QNG1: variants seen among roughly 807,000 people sequenced by gnomAD.
The protein encoded by QNG1 is queuosine 5'-phosphate N-glycosylase/hydrolase.
chr9:83,943,604 T>C, the QNG1 span, among the ~76,000 whole-genome samples: 2 of 152,190 alleles, frequency 1.3e-5, no homozygotes, highest in East Asian at 1.9e-4. Context: ...CATGGCAGCA[T>C]AAAAACCCAG....
the QNG1 span, among the ~76,000 whole-genome samples, chr9:83,951,091 G>A: frequency 1.3e-5 from 2 of 151,980 alleles, no homozygotes; most frequent in Admixed American, 6.6e-5. Flanking sequence ...GGTCAACATG[G>A]TGAAACCCTG....
the QNG1 span, among the ~76,000 whole-genome samples, chr9:83,945,928 G>C: frequency 1.3e-5 from 2 of 152,140 alleles, no homozygotes; most frequent in African/African-American, 4.8e-5. Flanking sequence ...TAAATGTGTA[G>C]ATAGCATTCC....
chr9:83,955,529 C>T, the QNG1 span: 8 of 1,614,038 alleles, frequency 5.0e-6, no homozygotes, highest in African/African-American at 6.7e-5. Context: ...ATTGAGAATC[C>T]GATGCCTCTC....
At chr9:83,945,766 A>T in the QNG1 span, among the ~76,000 whole-genome samples, 1 of 151,452 alleles carries the variant, frequency 6.6e-6, no homozygotes, top group Admixed American at 6.6e-5. Context: ...ACGCCCGGCT[A>T]ATTTTTTGAA....
chr9:83,946,755 A>C, the QNG1 span, among the ~76,000 whole-genome samples: 3 of 152,072 alleles, frequency 2.0e-5, no homozygotes, highest in Non-Finnish European at 2.9e-5. Flanking sequence ...TACAACCACC[A>C]CACCTGGCTA....
chr9:83,941,234 A>G, the QNG1 span, among the ~76,000 whole-genome samples: 238 of 152,314 alleles, frequency 1.6e-3, no homozygotes, highest in South Asian at 7.0e-3. Context: ...TTACACAGCA[A>G]TAGATAATAG....
chr9:83,939,631 T>A, the QNG1 span: 1 of 1,614,174 alleles, frequency 6.2e-7, no homozygotes. Context: ...CATTAGGTTT[T>A]TCACCCTTTT....
chr9:83,938,374 G>A, the QNG1 span: 13 of 151,892 alleles, frequency 8.6e-5, no homozygotes, highest in African/African-American at 3.1e-4. Context: ...AAACAAATTA[G>A]ACAGATATCC....
chr9:83,952,793 T>TG, the QNG1 span, among the ~76,000 whole-genome samples: 1 of 125,140 alleles, frequency 8.0e-6, no homozygotes, highest in African/African-American at 3.0e-5. Context: ...AGACTCCGTC[T>TG]GAAAAAAAAA....
chr9:83,946,568 C>G, the QNG1 span, among the ~76,000 whole-genome samples: 12 of 151,976 alleles, frequency 7.9e-5, no homozygotes, highest in Non-Finnish European at 1.8e-4. Flanking sequence ...CAAATTTAAC[C>G]AAGCATTAGT....
chr9:83,948,444 G>C, the QNG1 span, among the ~76,000 whole-genome samples: 7 of 139,642 alleles, frequency 5.0e-5, no homozygotes, highest in South Asian at 1.4e-3. Context: ...CAGCCCCCCC[G>C]CCCGGCCAGC....
the QNG1 span, chr9:83,945,047 AT>A: frequency 3.8e-6 from 5 of 1,329,170 alleles, no homozygotes. Context: ...TATATATGCT[AT>A]TTTTTAAAGG....
At chr9:83,939,692 G>C in the QNG1 span, 2 of 1,614,078 alleles carry the variant, frequency 1.2e-6, no homozygotes, top group African/African-American at 1.3e-5. Flanking sequence ...ACACCAAAGC[G>C]AGCACCCTCT....
the QNG1 span, among the ~76,000 whole-genome samples, chr9:83,943,192 TAGCCAGGCATCG>T: frequency 2.6e-5 from 4 of 151,800 alleles, no homozygotes; most frequent in African/African-American, 9.7e-5. Flanking sequence ...ATACAAAAAT[TAGCCAGGCATCG>T]TGGCATGCGC....
the QNG1 span, among the ~76,000 whole-genome samples, chr9:83,952,883 C>T: frequency 6.6e-6 from 1 of 150,806 alleles, no homozygotes; most frequent in East Asian, 1.9e-4. Context: ...CCGCTTGAAC[C>T]TGGGAGGCGG....
At chr9:83,956,727 G>C in the QNG1 span, 2 of 421,172 alleles carry the variant, frequency 4.7e-6, no homozygotes. Context: ...GCTGGGCAGA[G>C]GCCGCAAGCA....
At chr9:83,951,999 TA>T in the QNG1 span, among the ~76,000 whole-genome samples, 2 of 152,210 alleles carry the variant, frequency 1.3e-5, no homozygotes, top group African/African-American at 4.8e-5. Context: ...TTTATTTATT[TA>T]TTTTTTTGGG....
chr9:83,947,838 G>A, the QNG1 span, among the ~76,000 whole-genome samples: 1 of 152,214 alleles, frequency 6.6e-6, no homozygotes, highest in Non-Finnish European at 1.5e-5. Flanking sequence ...AGGCTAGAGT[G>A]CAGTAGCGTG....
the QNG1 span, among the ~76,000 whole-genome samples, chr9:83,943,262 C>T: frequency 5.4e-5 from 8 of 147,086 alleles, no homozygotes; most frequent in Admixed American, 4.1e-4. Context: ...ATGGCTTGAA[C>T]CTGGGAGGCG....
Sources: gnomAD v4.1 joint callset for allele counts (sites outside exome capture counted in the v4.1 genomes callset) on GRCh38, gnomAD v4.1.1 for gene constraint, MANE v1.5 for transcripts, NCBI Gene and HGNC (gene_info 2026-07-23, HGNC 2026-07-21) for gene names.